TOX: variants seen among roughly 807,000 people sequenced by gnomAD.
TOX encodes thymocyte selection associated high mobility group box.
In TOX, 11 loss-of-function variants were observed where a neutral mutation model predicts 53.7. That is an observed-to-expected ratio of 0.20 (90% confidence interval 0.13 to 0.34). The LOEUF is 0.34. TOX is among the 10% of genes least tolerant of loss of function. TOX has a pLI of 1.00. For synonymous variants in TOX, 225 were observed against 245.3 expected (o/e 0.92, Z 0.77); for missense variants, 570 against 664.6 (o/e 0.86, Z 1.56).
chr8:59,103,325 C>T (rs546738753), intron 1 of TOX, among the ~76,000 whole-genome samples: 1 of 152,186 alleles, frequency 6.6e-6, no homozygotes, highest in South Asian at 2.1e-4. Flanking sequence ...TTTTTCAAGG[C>T]CTCAACTCTA....
chr8:59,099,457 A>G (rs1804767564), intron 1 of TOX, among the ~76,000 whole-genome samples: 1 of 152,238 alleles, frequency 6.6e-6, no homozygotes, highest in Non-Finnish European at 1.5e-5. Context: ...TTAATACCAA[A>G]TAAATGAATA....
chr8:58,968,824 G>A (rs1436144169), intron 1 of TOX, among the ~76,000 whole-genome samples: 2 of 152,100 alleles, frequency 1.3e-5, no homozygotes, highest in Non-Finnish European at 2.9e-5. Flanking sequence ...GTAAGTCAAG[G>A]CACTGGAAAG....
Position 58,915,521 on chromosome 8 carries a change from G to T in TOX, c.411+23781C>A, listed in dbSNP as rs1174057996. On this transcript the variant is annotated intron_variant, in intron 3 of 8. Transcript: ENST00000361421. ...CTGTTAGAAGGAAAACTAACAACCA[G>T]AAAGGACATCTACACCGAAAACCTA... 1.7e-5 allele frequency among the ~76,000 whole-genome samples: 2 copies of T among 120,456 alleles called. 1 individual carries two copies. Among genetic ancestry groups the T allele is most frequent in the Non-Finnish European group, 3.5e-5 (2 of 57,482 alleles). The allele number at this position is 120,456 out of a possible 152,430, so 79.0% of individuals were successfully genotyped here.
chr8:58,877,828 T>C (rs1186286446), intron 3 of TOX, among the ~76,000 whole-genome samples: 3 of 151,024 alleles, frequency 2.0e-5, no homozygotes, highest in African/African-American at 4.9e-5. Flanking sequence ...ATTGCAGAAG[T>C]AGATGAATAT....
chr8:58,866,496 T>C (rs1811104234), intron 3 of TOX, among the ~76,000 whole-genome samples: 1 of 152,240 alleles, frequency 6.6e-6, no homozygotes, highest in South Asian at 2.1e-4. Context: ...ATGTAAGTAC[T>C]TACCTTTGGA....
At chr8:58,982,718 C>T (rs1030388429) in intron 1 of TOX, among the ~76,000 whole-genome samples, 1 of 152,192 alleles carries the variant, frequency 6.6e-6, no homozygotes, top group African/African-American at 2.4e-5. Context: ...CTATCCCCTG[C>T]TTCCTCTCAA....
At chr8:59,024,709 AC>A (rs1278078134) in intron 1 of TOX, among the ~76,000 whole-genome samples, 3 of 152,108 alleles carry the variant, frequency 2.0e-5, no homozygotes, top group Admixed American at 2.0e-4. Flanking sequence ...TCTGGCTGCT[AC>A]TTTTTAAAAA....
At chr8:58,818,459 A>G (rs72649453) in intron 6 of TOX, among the ~76,000 whole-genome samples, 11,308 of 152,258 alleles carry the variant, frequency 0.074, 579 homozygotes, top group Middle Eastern at 0.13. Context: ...GTGCTCCAAT[A>G]TAAGTTATTT....
intron 1 of TOX, among the ~76,000 whole-genome samples, chr8:59,079,323 AGGCCTCAGAG>A (rs1469633918): frequency 6.6e-6 from 1 of 152,186 alleles, no homozygotes; most frequent in African/African-American, 2.4e-5. Flanking sequence ...AATGGGAAAA[AGGCCTCAGAG>A]GCATTTCAGG....
intron 3 of TOX, among the ~76,000 whole-genome samples, chr8:58,922,137 A>C: frequency 6.6e-6 from 1 of 151,614 alleles, no homozygotes; most frequent in South Asian, 2.1e-4. Context: ...TATAAATGTA[A>C]GTTAACGATG....
intron 1 of TOX, among the ~76,000 whole-genome samples, chr8:59,029,017 T>C (rs1335304734): frequency 6.6e-6 from 1 of 152,158 alleles, no homozygotes; most frequent in Non-Finnish European, 1.5e-5. Context: ...AGCATACAAA[T>C]AGATAATTGC....
chr8:59,082,414 G>A (rs1368815270), intron 1 of TOX, among the ~76,000 whole-genome samples: 1 of 152,222 alleles, frequency 6.6e-6, no homozygotes, highest in Non-Finnish European at 1.5e-5. Flanking sequence ...AATTCACTTA[G>A]GCCAAACTAG....
chr8:59,107,211 T>C (rs373949005), intron 1 of TOX, among the ~76,000 whole-genome samples: 2 of 152,174 alleles, frequency 1.3e-5, no homozygotes, highest in Non-Finnish European at 2.9e-5. Context: ...ATATGTAGCA[T>C]GTTAGAAATA....
chr8:58,908,258 T>A (rs932148077), intron 3 of TOX, among the ~76,000 whole-genome samples: 1 of 152,184 alleles, frequency 6.6e-6, no homozygotes, highest in Admixed American at 6.5e-5. Flanking sequence ...AGATGGGGAA[T>A]CTGGACGTCA....
chr8:58,928,642 A>ATATATG (rs1812204348), intron 3 of TOX, among the ~76,000 whole-genome samples: 1 of 152,102 alleles, frequency 6.6e-6, no homozygotes, highest in East Asian at 1.9e-4. Context: ...ATATATATAT[A>ATATATG]TATACACACA....
At chr8:58,912,797 A>G (rs1309877277) in intron 3 of TOX, among the ~76,000 whole-genome samples, 1 of 152,082 alleles carries the variant, frequency 6.6e-6, no homozygotes, top group African/African-American at 2.4e-5. Context: ...AAACAAACAC[A>G]TGCTCTCCTA....
intron 1 of TOX, among the ~76,000 whole-genome samples, chr8:59,063,539 T>C (rs1322559141): frequency 6.7e-6 from 1 of 149,018 alleles, no homozygotes; most frequent in African/African-American, 2.5e-5. Context: ...TTCTCCAAAC[T>C]CAGCCTCCCG....
intron 4 of TOX, among the ~76,000 whole-genome samples, chr8:58,849,705 A>G (rs983795325): frequency 3.0e-4 from 45 of 152,338 alleles, no homozygotes; most frequent in African/African-American, 1.1e-3. Flanking sequence ...TTTGCATTTA[A>G]TTTCCTGAAA....
chr8:59,002,866 A>G (rs930062965), intron 1 of TOX, among the ~76,000 whole-genome samples: 2 of 152,218 alleles, frequency 1.3e-5, no homozygotes, highest in African/African-American at 4.8e-5. Flanking sequence ...AACTAGAGCC[A>G]TTTCTTGATG....
Sources: gnomAD v4.1 joint callset for allele counts (sites outside exome capture counted in the v4.1 genomes callset) on GRCh38, gnomAD v4.1.1 for gene constraint, MANE v1.5 for transcripts, NCBI Gene and HGNC (gene_info 2026-07-23, HGNC 2026-07-21) for gene names.